The following LCOR variants were observed in gnomAD, a reference collection of about 807,000 sequenced individuals.
LCOR encodes ligand-dependent corepressor.
Under a neutral mutation model 64.4 loss-of-function variants are expected in LCOR, and 14 were observed. That is an observed-to-expected ratio of 0.22 (90% CI 0.14 to 0.34). The LOEUF (loss-of-function observed/expected upper bound fraction) is 0.34. LCOR is among the 10% of genes least tolerant of loss of function. The probability of loss-of-function intolerance (pLI) is 1.00; values close to 1 mark genes in which losing one functional copy is unlikely to be tolerated. For missense variants in LCOR, 1,686 were observed against 1,765.3 expected (o/e 0.96, Z 0.80); for synonymous variants, 643 against 642.5 (o/e 1.00, Z -0.01).
chr10:96,935,343 T>C (rs1847331463), intron 4 of LCOR, among the ~76,000 whole-genome samples: 1 of 151,954 alleles, frequency 6.6e-6, no homozygotes, highest in African/African-American at 2.4e-5. Flanking sequence ...GAGATGGGGT[T>C]TCACCATGTT....
At position 96,986,470 on chromosome 10, in the gene LCOR, G is replaced by T. The variant is rs545254538; in HGVS notation, c.*1336G>T. On this transcript the variant is annotated 3_prime_UTR_variant, in exon 8 of 8. Coordinates refer to ENST00000421806, the MANE Select transcript of LCOR (RefSeq NM_001346516.2). The stretch of plus-strand genomic sequence containing the variant: ...TGTGAATGTACTTGTTGGAGTAGAC[G>T]TTCATTCTGATTGATTAACACCATC... 22 of 152,308 alleles carry T rather than the reference G, an allele frequency of 1.4e-4. No homozygotes were observed. The highest frequency in any genetic ancestry group is 5.3e-4 in the African/African-American group (22 of 41,564). 9.4% of individuals were successfully genotyped at this position (152,308 alleles called of 1,614,324 possible).
chr10:96,977,576 G>A (rs775992309), intron 7 of LCOR, among the ~76,000 whole-genome samples: 2 of 152,134 alleles, frequency 1.3e-5, no homozygotes, highest in Non-Finnish European at 2.9e-5. Flanking sequence ...GCTTTAAAAT[G>A]TTTGGTACTT....
intron 2 of LCOR, among the ~76,000 whole-genome samples, chr10:96,843,320 A>G (rs1845573286): frequency 6.6e-6 from 1 of 151,842 alleles, no homozygotes; most frequent in Non-Finnish European, 1.5e-5. Flanking sequence ...TTTGGTAGAG[A>G]TGAGGTCTTG....
At chr10:96,840,005 TTAAA>T in intron 2 of LCOR, among the ~76,000 whole-genome samples, 1 of 152,238 alleles carries the variant, frequency 6.6e-6, no homozygotes, top group Middle Eastern at 3.2e-3. Flanking sequence ...TGGTGCTAAG[TTAAA>T]TATACTGTTT....
chr10:96,932,550 G>A (rs1304867272), intron 4 of LCOR, among the ~76,000 whole-genome samples: 2 of 152,046 alleles, frequency 1.3e-5, no homozygotes, highest in East Asian at 1.9e-4. Flanking sequence ...TGCAACCTCC[G>A]CCTCCCGGGT....
At chr10:96,876,691 CT>C (rs1005843636) in intron 2 of LCOR, among the ~76,000 whole-genome samples, 4 of 150,914 alleles carry the variant, frequency 2.7e-5, no homozygotes, top group Admixed American at 1.3e-4. Flanking sequence ...AGCTCATAGG[CT>C]TTTTTTTTCC....
intron 4 of LCOR, among the ~76,000 whole-genome samples, chr10:96,936,177 C>G (rs1847347873): frequency 6.6e-6 from 1 of 152,246 alleles, no homozygotes; most frequent in South Asian, 2.1e-4. Flanking sequence ...GGCCCACCAG[C>G]TTTTATTGGA....
rs1253169145 is a variant in LCOR at position 96,981,669 on chromosome 10, G to A, written c.1209G>A (p.Lys403=). The A allele has an allele frequency of 1.2e-6, 2 of 1,614,054 alleles. No homozygotes were observed. Among genetic ancestry groups the A allele is most frequent in the Middle Eastern group, 1.6e-4 (1 of 6,084 alleles). Residue 403 remains lysine, a synonymous_variant, in exon 8 of 8, where the codon AAG becomes AAA. Transcript: ENST00000421806. ...ATCTTCACTCTCTGGGAAGAAATAA[G>A]GTGGGTTACCATTTACATCCCAGTG... ...ENHLHSLGRN[K]VGYHLHPSDK... is the part of the protein sequence containing the mutation.
intron 2 of LCOR, among the ~76,000 whole-genome samples, chr10:96,852,374 A>G (rs1295478980): frequency 1.3e-5 from 2 of 152,164 alleles, no homozygotes; most frequent in Non-Finnish European, 2.9e-5. Flanking sequence ...GTGAGCTGAG[A>G]TGCACCACTG....
intron 2 of LCOR, among the ~76,000 whole-genome samples, chr10:96,884,972 G>C (rs997980736): frequency 2.0e-5 from 3 of 151,874 alleles, no homozygotes; most frequent in East Asian, 3.9e-4. Flanking sequence ...GAGGGGAGTG[G>C]GTATACGTGT....
intron 2 of LCOR, among the ~76,000 whole-genome samples, chr10:96,863,971 G>A (rs1322398788): frequency 6.6e-6 from 1 of 152,120 alleles, no homozygotes; most frequent in Non-Finnish European, 1.5e-5. Flanking sequence ...CTTGTTGGTA[G>A]GAATGTCACT....
At chr10:96,910,520 G>A (rs1846811516) in intron 4 of LCOR, among the ~76,000 whole-genome samples, 1 of 152,168 alleles carries the variant, frequency 6.6e-6, no homozygotes, top group Admixed American at 6.5e-5. Context: ...GTTTATATTG[G>A]AACTCTTTGC....
At chr10:96,864,131 C>A (rs1181202340) in intron 2 of LCOR, among the ~76,000 whole-genome samples, 1 of 152,102 alleles carries the variant, frequency 6.6e-6, no homozygotes, top group Non-Finnish European at 1.5e-5. Context: ...TCCGGAAGCA[C>A]ATCATAAAAT....
chr10:96,981,763 G>A lies in LCOR; in HGVS notation c.1303G>A (p.Ala435Thr), dbSNP rs1848089244. Residue 435 changes from alanine to threonine, a missense_variant, in exon 8 of 8, where the codon GCG (alanine) becomes ACG (threonine). Ala to Thr is a moderately conservative substitution (Grantham distance 58). Coordinates refer to ENST00000421806, the MANE Select transcript of LCOR (RefSeq NM_001346516.2). ...GPGPMPAVHK[A>T]ANGHSRTKMI... ...CGGCCCTATGCCAGCTGTACACAAA[G>A]CGGCAAATGGACACTCAAGAACCAA... is the stretch of plus-strand genomic sequence containing the variant. The A allele has an allele frequency of 6.2e-7, 1 of 1,614,080 alleles. No homozygotes were observed.
chr10:96,843,986 G>C (rs1845583848), intron 2 of LCOR, among the ~76,000 whole-genome samples: 3 of 152,160 alleles, frequency 2.0e-5, no homozygotes, highest in Admixed American at 2.0e-4. Flanking sequence ...CGGGGAAACA[G>C]ATTTAGGGAG....
At chr10:96,855,672 G>C (rs559697862) in intron 2 of LCOR, among the ~76,000 whole-genome samples, 11 of 152,136 alleles carry the variant, frequency 7.2e-5, no homozygotes, top group African/African-American at 2.7e-4. Context: ...CTGAATTTAG[G>C]TAATCCACCT....
At chr10:96,957,276 A>T in intron 7 of LCOR, 1 of 985,146 alleles carries the variant, frequency 1.0e-6, no homozygotes, top group Non-Finnish European at 1.2e-6. Flanking sequence ...GCTGATATTC[A>T]TGGTTGTTTA....
chr10:96,888,909 C>T (rs1293974065), intron 2 of LCOR, among the ~76,000 whole-genome samples: 1 of 152,166 alleles, frequency 6.6e-6, no homozygotes, highest in Non-Finnish European at 1.5e-5. Context: ...TGGAATCATA[C>T]ACTGTGTAAC....
intron 2 of LCOR, among the ~76,000 whole-genome samples, chr10:96,841,027 C>T (rs1267602179): frequency 6.6e-6 from 1 of 152,102 alleles, no homozygotes; most frequent in Non-Finnish European, 1.5e-5. Context: ...ACCTGTAGTC[C>T]CAGCTACTCG....
Sources: gnomAD v4.1 joint callset for allele counts (sites outside exome capture counted in the v4.1 genomes callset) on GRCh38, gnomAD v4.1.1 for gene constraint, MANE v1.5 for transcripts, NCBI Gene and HGNC (gene_info 2026-07-23, HGNC 2026-07-21) for gene names.